The following SNX29 variants were observed in gnomAD, a reference collection of about 807,000 sequenced individuals.
The protein encoded by SNX29 is sorting nexin 29, also known as sorting nexin-29.
A neutral mutation model predicts 102.1 loss-of-function variants in SNX29; 78 were observed. The observed-to-expected ratio is 0.76, with a 90% CI of 0.64 to 0.92. The LOEUF (loss-of-function observed/expected upper bound fraction) is 0.92, where lower values mean the gene tolerates loss of function less well. Ranked by LOEUF, SNX29 falls within the 40% of genes least tolerant of loss-of-function variation. The pLI is 0.00. For missense variants in SNX29, 1,280 were observed against 1,061.7 expected (o/e 1.21, Z -2.86); for synonymous variants, 580 against 414.5 (o/e 1.40, Z -4.85).
intron 13 of SNX29, among the ~76,000 whole-genome samples, chr16:12,198,046 G>C (rs138712836): frequency 1.3e-5 from 2 of 152,258 alleles, no homozygotes; most frequent in South Asian, 2.1e-4. Flanking sequence ...TCCGTAAATA[G>C]ACTGAGTGAG....
At chr16:12,311,725 G>A (rs911006089) in intron 15 of SNX29, among the ~76,000 whole-genome samples, 3 of 152,242 alleles carry the variant, frequency 2.0e-5, no homozygotes, top group East Asian at 1.9e-4. Context: ...GCCAATTCCA[G>A]TGTGAGCTGC....
At chr16:11,976,938 T>G in intron 1 of SNX29, 125 bp downstream of exon 1, 1 of 1,194,084 alleles carries the variant, frequency 8.4e-7, no homozygotes, top group Non-Finnish European at 1.1e-6. Context: ...AGTCGCTCCC[T>G]TTTCCAGACC....
intron 18 of SNX29, among the ~76,000 whole-genome samples, chr16:12,409,861 AAATTTCAGCCTTTGCGTCTAGC>A (rs2084323288): frequency 6.6e-6 from 1 of 152,194 alleles, no homozygotes. Context: ...CATGTGGGAT[AAATTTCAGCCTTTGCGTCTAGC>A]GACCACAAAT....
At chr16:12,112,607 C>T (rs542393464) in intron 11 of SNX29, among the ~76,000 whole-genome samples, 6 of 152,256 alleles carry the variant, frequency 3.9e-5, no homozygotes, top group South Asian at 2.1e-4. Context: ...CAGCCCCAAG[C>T]GGGAGAAGTG....
chr16:12,333,967 A>AT (rs2081369640), intron 15 of SNX29, among the ~76,000 whole-genome samples: 1 of 152,160 alleles, frequency 6.6e-6, no homozygotes, highest in African/African-American at 2.4e-5. Context: ...ATGTAACCTC[A>AT]TGGGGATGTT....
intron 15 of SNX29, among the ~76,000 whole-genome samples, chr16:12,283,072 A>G (rs2079485954): frequency 6.6e-6 from 1 of 152,192 alleles, no homozygotes; most frequent in African/African-American, 2.4e-5. Flanking sequence ...TAATGTTAGC[A>G]GGAGGCATAG....
chr16:12,062,370 C>A (rs993575978), intron 9 of SNX29, among the ~76,000 whole-genome samples: 8 of 135,856 alleles, frequency 5.9e-5, no homozygotes, highest in African/African-American at 2.3e-4. Context: ...CAGTGAGACT[C>A]TGTCTCAAAA....
Position 12,571,104 on chromosome 16 carries a change from G to A in SNX29, c.*2475G>A, listed in dbSNP as rs3803602. On this transcript the variant is annotated 3_prime_UTR_variant, in exon 21 of 21. Transcript: ENST00000566228. ...AGCAACTCCCCGAAGCCTTCCCTTT[G>A]GAATCCCATAGAATGTTCTGCAATG... is the stretch of plus-strand genomic sequence containing the variant. 0.025 allele frequency: 5,752 copies of A among 232,550 alleles called. 471 individuals are homozygous for A. Among genetic ancestry groups the A allele is most frequent in the East Asian group, 0.17 (2,769 of 16,482 alleles). The allele number at this position is 232,550 out of a possible 1,614,324, so 14.4% of individuals were successfully genotyped here.
At chr16:12,143,240 G>A (rs1284179084) in intron 13 of SNX29, among the ~76,000 whole-genome samples, 3 of 150,960 alleles carry the variant, frequency 2.0e-5, no homozygotes, top group Non-Finnish European at 3.0e-5. Context: ...CAGGTGATCC[G>A]TCCACCTCGG....
intron 19 of SNX29, among the ~76,000 whole-genome samples, chr16:12,518,453 C>T (rs186213560): frequency 1.0e-3 from 155 of 152,310 alleles, no homozygotes; most frequent in Admixed American, 3.2e-3. Flanking sequence ...CTTCCCCCAC[C>T]CTCAGGGCAC....
intron 9 of SNX29, among the ~76,000 whole-genome samples, chr16:12,066,244 G>A (rs1053069346): frequency 2.6e-5 from 4 of 152,314 alleles, no homozygotes; most frequent in East Asian, 1.9e-4. Flanking sequence ...GAACTGGGGC[G>A]TCTGCTGTAG....
At chr16:12,558,538 C>T (rs1039513455) in intron 20 of SNX29, among the ~76,000 whole-genome samples, 2 of 152,226 alleles carry the variant, frequency 1.3e-5, no homozygotes, top group Admixed American at 1.3e-4. Flanking sequence ...GCACACACCC[C>T]ACAGTGCCAT....
At chr16:12,537,408 G>C (rs913191398) in intron 20 of SNX29, among the ~76,000 whole-genome samples, 4 of 152,178 alleles carry the variant, frequency 2.6e-5, no homozygotes, top group African/African-American at 9.7e-5. Context: ...ACAGACCTGG[G>C]CTCAAATTCC....
intron 14 of SNX29, among the ~76,000 whole-genome samples, chr16:12,238,254 G>A (rs563574120): frequency 7.3e-5 from 11 of 151,274 alleles, no homozygotes; most frequent in African/African-American, 9.7e-5. Context: ...AAATTAAGGG[G>A]TAAGAAGGCC....
chr16:12,027,135 A>G (rs184276056), intron 3 of SNX29, among the ~76,000 whole-genome samples, 185 bp from the exon 4 acceptor site: 39 of 152,322 alleles, frequency 2.6e-4, no homozygotes, highest in African/African-American at 9.1e-4. Flanking sequence ...TGAAATGAAC[A>G]TCAACACGGG....
chr16:12,205,067 GGGGCA>G (rs1253690072), intron 14 of SNX29, among the ~76,000 whole-genome samples: 5 of 152,230 alleles, frequency 3.3e-5, no homozygotes, highest in Non-Finnish European at 5.9e-5. Flanking sequence ...TCCAAAGAAT[GGGGCA>G]GGGCATTTTC....
At chr16:12,169,423 G>A (rs1360671985) in intron 13 of SNX29, among the ~76,000 whole-genome samples, 1 of 152,190 alleles carries the variant, frequency 6.6e-6, no homozygotes, top group East Asian at 1.9e-4. Context: ...GGCCATGTGG[G>A]TCTTGTCAGT....
At position 12,541,238 on chromosome 16, in the gene SNX29, C is replaced by T. The variant is rs1203821345; in HGVS notation, c.2318+16397C>T. 3.3e-5 allele frequency among the ~76,000 whole-genome samples: 5 copies of T among 152,086 alleles called. No homozygotes were observed. The South Asian group carries it at 8.3e-4, about 25-fold the overall frequency. On this transcript the variant is annotated intron_variant, in intron 20 of 20. Transcript: ENST00000566228. The stretch of plus-strand genomic sequence containing the variant: ...TGCATGGAGAGAAGGACTATGGAAC[C>T]ATGTATCATATCTTATCAGGGAGAG...
At chr16:12,451,087 A>G (rs942650748) in intron 18 of SNX29, among the ~76,000 whole-genome samples, 1 of 152,106 alleles carries the variant, frequency 6.6e-6, no homozygotes, top group African/African-American at 2.4e-5. Context: ...CAAAGTAGCC[A>G]CTTTTGTCCT....
Sources: gnomAD v4.1 joint callset for allele counts (sites outside exome capture counted in the v4.1 genomes callset) on GRCh38, gnomAD v4.1.1 for gene constraint, MANE v1.5 for transcripts, NCBI Gene and HGNC (gene_info 2026-07-23, HGNC 2026-07-21) for gene names.